Variants in FAM163B observed in about 807,000 individuals in gnomAD.
FAM163B encodes protein FAM163B.
FAM163B carries 4 observed loss-of-function variants against 7.6 expected under a neutral mutation model. That is an observed-to-expected ratio of 0.52 (90% CI 0.26 to 1.20). The LOEUF (loss-of-function observed/expected upper bound fraction) is 1.20, where lower values mean the gene tolerates loss of function less well. Among genes scored for constraint, FAM163B ranks in the 50% most tolerant of loss-of-function variants. The pLI is 0.14. For missense variants in FAM163B, 250 were observed against 243.0 expected (o/e 1.03, Z -0.19); for synonymous variants, 120 against 111.6 (o/e 1.07, Z -0.47).
rs905214651 is a variant in FAM163B at position 133,577,540 on chromosome 9, C to A, written c.*1482G>T. Among the ~76,000 whole-genome samples the A allele has an allele frequency of 2.6e-5, 4 of 152,250 alleles. No homozygotes were observed. Among genetic ancestry groups the A allele is most frequent in the Non-Finnish European group, 5.9e-5 (4 of 68,040 alleles). On this transcript the variant is annotated 3_prime_UTR_variant, in exon 3 of 3. Coordinates refer to ENST00000673969, the MANE Select transcript of FAM163B (RefSeq NM_001080515.3). ...GTTTTTGAGTAAGGGCAAGAAGTGTCCTGCTCAAGCCACCCCTCCGCTCAG... is the reference window on the plus strand; with the variant it reads ...GTTTTTGAGTAAGGGCAAGAAGTGTACTGCTCAAGCCACCCCTCCGCTCAG...
At chr9:133,590,951 G>A (rs1187131810) in intron 1 of FAM163B, among the ~76,000 whole-genome samples, 28 of 152,202 alleles carry the variant, frequency 1.8e-4, no homozygotes, top group Admixed American at 1.8e-3. Context: ...CCTGAGAGAG[G>A]TACCAGCTCT....
rs1206919861 is a variant in FAM163B, at chr9:133,600,168, GTC to G, written c.-24+8907_-24+8908del. 1.3e-4 allele frequency among the ~76,000 whole-genome samples: 19 copies of G among 149,968 alleles called. No individual in the cohort carries two copies. Among genetic ancestry groups the G allele is most frequent in the African/African-American group, 4.7e-4 (19 of 40,608 alleles). ...TGAATGTATGTGTGCATGAGTGTGA[GTC>G]TGTGTGCATGTGTATGTGGGAATGT... is the stretch of plus-strand genomic sequence containing the variant. On this transcript the variant is annotated intron_variant, in intron 1 of 2. Transcript: ENST00000673969. The surrounding 1 kb of genome is among the most constrained non-coding windows in gnomAD (Gnocchi z 4.9).
intron 1 of FAM163B, among the ~76,000 whole-genome samples, chr9:133,599,994 T>A (rs1032882893): frequency 1.9e-4 from 27 of 145,246 alleles, no homozygotes; most frequent in Non-Finnish European, 3.9e-4. Context: ...CATATGCGAA[T>A]GTGTGTGTGT....
At chr9:133,599,774 G>C (rs531527351) in intron 1 of FAM163B, among the ~76,000 whole-genome samples, 38 of 151,066 alleles carry the variant, frequency 2.5e-4, no homozygotes, top group South Asian at 1.7e-3. Flanking sequence ...GTGTGTTTTT[G>C]TCTGTGCGTG....
At chr9:133,591,691 CGGGGAGCACACTG>C (rs369992422) in intron 1 of FAM163B, among the ~76,000 whole-genome samples, 7 of 152,290 alleles carry the variant, frequency 4.6e-5, no homozygotes, top group East Asian at 3.9e-4. Flanking sequence ...GCAGCGGGCG[CGGGGAGCACACTG>C]GGGGAGCACA....
Position 133,578,858 on chromosome 9 carries a change from C to A in FAM163B, c.*164G>T. ...TTGTGTTCAATGAGCCTTATCCCTGCCACGAGCCTGGGGGCTCCCCAAGCC... is the reference window on the plus strand; with the variant it reads ...TTGTGTTCAATGAGCCTTATCCCTGACACGAGCCTGGGGGCTCCCCAAGCC... On this transcript the variant is annotated 3_prime_UTR_variant, in exon 3 of 3. Transcript: ENST00000673969. 1 of 1,331,110 alleles carries A rather than the reference C, an allele frequency of 7.5e-7. No homozygotes were observed. The highest frequency in any genetic ancestry group is 1.6e-5 in the South Asian group (1 of 60,964). 82.5% of individuals were successfully genotyped at this position (1,331,110 alleles called of 1,614,324 possible).
Position 133,608,763 on chromosome 9 carries a change from G to A in FAM163B, c.-24+314C>T, listed in dbSNP as rs538943277. On this transcript the variant is annotated intron_variant, in intron 1 of 2. Transcript: ENST00000673969. ...GCCAGGTTTCCAGAGGGCTCTTCTG[G>A]GAAACTTTCCCTCCCCACTGCCCCC... Among the ~76,000 whole-genome samples the A allele has an allele frequency of 5.3e-5, 8 of 152,340 alleles. 1 individual carries two copies. In the South Asian group the frequency reaches 1.4e-3, roughly 28 times the overall value.
At chr9:133,605,148 G>A (rs13302641) in intron 1 of FAM163B, among the ~76,000 whole-genome samples, 29,163 of 152,240 alleles carry the variant, frequency 0.19, 3,001 homozygotes, top group South Asian at 0.36. Context: ...GGGCTGCGTG[G>A]GGTGGAGCTG....
chr9:133,594,026 C>T (rs891038497), intron 1 of FAM163B, among the ~76,000 whole-genome samples: 3 of 152,190 alleles, frequency 2.0e-5, no homozygotes, highest in African/African-American at 4.8e-5. Flanking sequence ...TCTGGGGCTG[C>T]GGGGACATTT....
intron 1 of FAM163B, chr9:133,586,052 T>C (rs769059717): frequency 2.0e-5 from 3 of 152,190 alleles, no homozygotes; most frequent in Non-Finnish European, 4.4e-5. Flanking sequence ...CTCCTGCACA[T>C]TTGTTCCTAA....
intron 1 of FAM163B, among the ~76,000 whole-genome samples, chr9:133,598,860 T>C (rs768286911): frequency 6.6e-5 from 10 of 152,180 alleles, no homozygotes; most frequent in Non-Finnish European, 1.2e-4. Context: ...CTGGTTCATG[T>C]GCCTGTCCCC....
chr9:133,596,232 G>A (rs921405951), intron 1 of FAM163B, among the ~76,000 whole-genome samples: 7 of 77,526 alleles, frequency 9.0e-5, no homozygotes, highest in African/African-American at 4.2e-4. Context: ...GAGGCTTCTG[G>A]CCCGGGCGGC....
chr9:133,591,771 G>T (rs537423737), intron 1 of FAM163B, among the ~76,000 whole-genome samples: 1 of 152,298 alleles, frequency 6.6e-6, no homozygotes, highest in African/African-American at 2.4e-5. Context: ...CCCAGCAGGG[G>T]CTCCTCTGAG....
At position 133,579,448 on chromosome 9, in the gene FAM163B, T is replaced by G; in HGVS notation, c.94-19A>C. On this transcript the variant is annotated intron_variant, in intron 2 of 2. Transcript: ENST00000673969. Reference sequence around the variant, plus strand: ...AGTAGTACTGCGGGCAGAGGGACGGTGACCATGCGGCCGCCCGCTCCCACC... The same window carrying G: ...AGTAGTACTGCGGGCAGAGGGACGGGGACCATGCGGCCGCCCGCTCCCACC... 2 of 1,566,378 alleles carry G rather than the reference T, an allele frequency of 1.3e-6. No homozygotes were observed. Among genetic ancestry groups the G allele is most frequent in the Non-Finnish European group, 1.7e-6 (2 of 1,156,100 alleles).
At chr9:133,599,497 G>A (rs1434545230) in intron 1 of FAM163B, among the ~76,000 whole-genome samples, 2 of 152,140 alleles carry the variant, frequency 1.3e-5, no homozygotes. Context: ...AATGTGTAAG[G>A]GGTGTGTGTA....
rs1831795578 is a variant in FAM163B, at chr9:133,606,801, G to A, written c.-24+2276C>T. ...AGTTTAGAGTCAGAGGTAATTGACT[G>A]AGATGTAATACATCTCTCCCCTCCC... is the stretch of plus-strand genomic sequence containing the variant. On this transcript the variant is annotated intron_variant, in intron 1 of 2. Coordinates refer to ENST00000673969, the MANE Select transcript of FAM163B (RefSeq NM_001080515.3). This position sits in a 1 kb window ranked among gnomAD's most constrained non-coding sequence, Gnocchi z 4.0. Among the ~76,000 whole-genome samples, 1 of 152,134 alleles carries A rather than the reference G, an allele frequency of 6.6e-6. No homozygotes were observed. The highest frequency in any genetic ancestry group is 2.4e-5 in the African/African-American group (1 of 41,422).
chr9:133,599,093 A>G (rs764861707), intron 1 of FAM163B, among the ~76,000 whole-genome samples: 1 of 151,830 alleles, frequency 6.6e-6, no homozygotes, highest in Non-Finnish European at 1.5e-5. Context: ...TGAGCGCCAC[A>G]CTTTCAGCTT....
chr9:133,581,849 C>T (rs777259246), intron 1 of FAM163B, among the ~76,000 whole-genome samples: 368 of 152,318 alleles, frequency 2.4e-3, no homozygotes, highest in Admixed American at 4.2e-3. Flanking sequence ...CAGCTGCTCT[C>T]GGCCAGTTCT....
rs1386537889 is a variant in FAM163B, at chr9:133,577,363, G to A, written c.*1659C>T. Among the ~76,000 whole-genome samples, 1 of 149,868 alleles carries A rather than the reference G, an allele frequency of 6.7e-6. No homozygotes were observed. Among genetic ancestry groups the A allele is most frequent in the East Asian group, 2.0e-4 (1 of 4,994 alleles). On this transcript the variant is annotated 3_prime_UTR_variant, in exon 3 of 3. Transcript: ENST00000673969. The stretch of plus-strand genomic sequence containing the variant: ...GAAGCCAGAGGTGTGGGCGGGCCCG[G>A]GGGGCCGGGGCTGCGAGGGACCTCA...
Sources: gnomAD v4.1 joint callset for allele counts (sites outside exome capture counted in the v4.1 genomes callset) on GRCh38, gnomAD v4.1.1 for gene constraint, Gnocchi (gnomAD v3.1) non-coding constraint, MANE v1.5 for transcripts, NCBI Gene and HGNC (gene_info 2026-07-23, HGNC 2026-07-21) for gene names.